The following TMEM64 variants were observed in gnomAD, a reference collection of about 807,000 sequenced individuals.
TMEM64 encodes the protein transmembrane protein 64.
A neutral mutation model predicts 24.5 loss-of-function variants in TMEM64; 19 were observed. The observed-to-expected ratio is 0.78, with a 90% CI of 0.54 to 1.14. TMEM64 has a LOEUF of 1.14. TMEM64 is among the 50% of genes most tolerant of loss of function. TMEM64 has a pLI of 0.00. For missense variants in TMEM64, 487 were observed against 493.0 expected (o/e 0.99, Z 0.12); for synonymous variants, 262 against 224.7 (o/e 1.17, Z -1.49).
At chr8:90,639,113 GAAA>G (rs111564369) in intron 1 of TMEM64, among the ~76,000 whole-genome samples, 4 of 135,218 alleles carry the variant, frequency 3.0e-5, no homozygotes, top group African/African-American at 2.7e-5. Flanking sequence ...GCTACTGGAG[GAAA>G]AAAAAAAAAA....
At chr8:90,631,456 C>T (rs1809437238) in intron 2 of TMEM64, 96 bp downstream of exon 2, 1 of 1,084,634 alleles carries the variant, frequency 9.2e-7, no homozygotes, top group Non-Finnish European at 1.3e-6. Context: ...AATGGAAAAA[C>T]CCTCTGATTA....
chr8:90,627,401 G>A lies in TMEM64; in HGVS notation c.952-1539C>T, dbSNP rs1431242326. On this transcript the variant is annotated intron_variant, in intron 2 of 2. Coordinates refer to ENST00000458549, the MANE Select transcript of TMEM64 (RefSeq NM_001008495.4). Reference sequence around the variant, plus strand: ...TTAAAAGAAACAAGATATATTTACCGAAAACTCCTAAGTTTGCTATGTATC... The same window carrying A: ...TTAAAAGAAACAAGATATATTTACCAAAAACTCCTAAGTTTGCTATGTATC... 3.2e-5 allele frequency among the ~76,000 whole-genome samples: 4 copies of A among 126,282 alleles called. No individual in the cohort carries two copies. In the South Asian group the frequency reaches 7.5e-4, roughly 24 times the overall value. 82.8% of individuals were successfully genotyped at this position (126,282 alleles called of 152,430 possible).
In TMEM64 at chr8:90,622,484, G is replaced by C. The variant is rs1032712909; in HGVS notation, c.*3187C>G. On this transcript the variant is annotated 3_prime_UTR_variant, in exon 3 of 3. Transcript: ENST00000458549. The stretch of plus-strand genomic sequence containing the variant: ...TAAAACTCTCCTTTTCTCTGCAAAT[G>C]CTGCTTGGCTGTGAACAGCATGGAT... The C allele has an allele frequency of 6.6e-6, 1 of 152,154 alleles. No homozygotes were observed. Among genetic ancestry groups the C allele is most frequent in the Non-Finnish European group, 1.5e-5 (1 of 68,044 alleles). The allele number at this position is 152,154 out of a possible 1,614,324, so 9.4% of individuals were successfully genotyped here.
intron 1 of TMEM64, among the ~76,000 whole-genome samples, chr8:90,644,197 A>T (rs1809651474): frequency 1.3e-5 from 2 of 152,292 alleles, no homozygotes; most frequent in Admixed American, 1.3e-4. Flanking sequence ...GAATCACTGA[A>T]TTTGGGGAAC....
rs1157895821 is a variant in TMEM64 at position 90,645,536 on chromosome 8, C to A, written c.370G>T (p.Val124Leu). Residue 124 changes from valine to leucine, a missense_variant, in exon 1 of 3, where the codon GTG becomes TTG. Coordinates refer to ENST00000458549, the MANE Select transcript of TMEM64 (RefSeq NM_001008495.4). The surrounding 1 kb of genome is among the most constrained non-coding windows in gnomAD (Gnocchi z 4.2). ...AGGGCGGCCAACACGCAGACCAGCA[C>A]GAGGCTCCGGCACCAACAGGTGCTG... ...LGSTCWCRSL[V>L]LVCVLAALCF... is the part of the protein sequence containing the mutation. 6.5e-7 allele frequency: 1 copy of A among 1,548,784 alleles called. No individual in the cohort carries two copies. The highest frequency in any genetic ancestry group is 1.4e-5 in the African/African-American group (1 of 73,156).
intron 2 of TMEM64, among the ~76,000 whole-genome samples, chr8:90,630,251 T>C (rs1357434962): frequency 1.3e-5 from 2 of 152,218 alleles, no homozygotes; most frequent in African/African-American, 4.8e-5. Context: ...ATTTCTATAT[T>C]ACTTATAATA....
rs761222767 is a variant in TMEM64 at position 90,624,408 on chromosome 8, CATT to C, written c.*1260_*1262del. 13 of 151,984 alleles carry C rather than the reference CATT, an allele frequency of 8.6e-5. No individual in the cohort carries two copies. The highest frequency in any genetic ancestry group is 1.7e-4 in the African/African-American group (7 of 41,374). 9.4% of individuals were successfully genotyped at this position (151,984 alleles called of 1,614,324 possible). On this transcript the variant is annotated 3_prime_UTR_variant, in exon 3 of 3. Coordinates refer to ENST00000458549, the MANE Select transcript of TMEM64 (RefSeq NM_001008495.4). Reference sequence around the variant, plus strand: ...TATAACCTCATTTGTAAAAAAAAATCATTAAGTTTATAAACTATTTTAAAAATA... The same window carrying C: ...TATAACCTCATTTGTAAAAAAAAATCAAGTTTATAAACTATTTTAAAAATA...
chr8:90,627,816 CAG>C, intron 2 of TMEM64, among the ~76,000 whole-genome samples: 1 of 152,214 alleles, frequency 6.6e-6, no homozygotes, highest in Admixed American at 6.5e-5. Flanking sequence ...AAAGTTAAGA[CAG>C]TGGTATCAAA....
intron 1 of TMEM64, among the ~76,000 whole-genome samples, chr8:90,643,480 C>G (rs755415742): frequency 6.6e-6 from 1 of 152,190 alleles, no homozygotes; most frequent in African/African-American, 2.4e-5. Flanking sequence ...CAGCCCTGTG[C>G]TCCCAACTAG....
rs1157544962 is a variant in TMEM64, at chr8:90,631,613, C to T, written c.890G>A (p.Arg297Gln). 9 of 1,613,404 alleles carry T rather than the reference C, an allele frequency of 5.6e-6. No individual in the cohort carries two copies. Among genetic ancestry groups the T allele is most frequent in the African/African-American group, 2.7e-5 (2 of 74,904 alleles). Reference sequence around the variant, plus strand: ...TTCTGCAATGACATCTTCCATTGTCCGCAGGGTGGTACCCAAGTAAGAATT... The same window carrying T: ...TTCTGCAATGACATCTTCCATTGTCTGCAGGGTGGTACCCAAGTAAGAATT... ...LLNSYLGTTL[R>Q]TMEDVIAEQS... The change falls in exon 2 of 3, where the codon CGG (arginine) becomes CAG (glutamine). Residue 297 changes from arginine (R) to glutamine (Q), a missense_variant. By Grantham distance (43) the Arg-to-Gln change is conservative. Transcript: ENST00000458549.
intron 1 of TMEM64, among the ~76,000 whole-genome samples, chr8:90,637,156 G>T (rs920386402): frequency 6.6e-6 from 1 of 152,142 alleles, no homozygotes; most frequent in African/African-American, 2.4e-5. Flanking sequence ...ATTCTGAAGA[G>T]CAAGAGCTGA....
Position 90,622,305 on chromosome 8 carries a change from C to T in TMEM64, c.*3366G>A, listed in dbSNP as rs1809293779. 1 of 152,148 alleles carries T rather than the reference C, an allele frequency of 6.6e-6. No individual in the cohort carries two copies. The highest frequency in any genetic ancestry group is 2.4e-5 in the African/African-American group (1 of 41,432). The allele number at this position is 152,148 out of a possible 1,614,324, so 9.4% of individuals were successfully genotyped here. ...GCAATGACTTTAAAAAGATTACATC[C>T]TAAATACTTGATTACAACAGAAATC... On this transcript the variant is annotated 3_prime_UTR_variant, in exon 3 of 3. Transcript: ENST00000458549.
chr8:90,635,334 A>G (rs80184185), intron 1 of TMEM64, among the ~76,000 whole-genome samples: 2,917 of 152,280 alleles, frequency 0.019, 76 homozygotes, highest in African/African-American at 0.067. Context: ...TGTTTCAAGA[A>G]GAGAATGAAC....
At chr8:90,631,746 T>C in intron 1 of TMEM64, 39 bp from the exon 2 acceptor site, 1 of 1,550,042 alleles carries the variant, frequency 6.5e-7, no homozygotes, top group Non-Finnish European at 8.8e-7. Context: ...CATTACCAAG[T>C]AAAATTTCAA....
At position 90,624,758 on chromosome 8, in the gene TMEM64, G is replaced by A. The variant is rs1387374903; in HGVS notation, c.*913C>T. The A allele has an allele frequency of 6.6e-6, 1 of 152,452 alleles. No homozygotes were observed. The highest frequency in any genetic ancestry group is 2.4e-5 in the African/African-American group (1 of 41,428). The allele number at this position is 152,452 out of a possible 1,614,324, so 9.4% of individuals were successfully genotyped here. A position where few individuals can be genotyped will look rare whatever the true frequency, so the allele number is the denominator to read the frequency against. On this transcript the variant is annotated 3_prime_UTR_variant, in exon 3 of 3. Coordinates refer to ENST00000458549, the MANE Select transcript of TMEM64 (RefSeq NM_001008495.4). ...TAAAAAAGGCGTTTTGATCAAACAA[G>A]GCCACCTGAGTGACATCTTCAATGA...
chr8:90,636,855 G>A (rs975465601), intron 1 of TMEM64, among the ~76,000 whole-genome samples: 2 of 152,150 alleles, frequency 1.3e-5, no homozygotes, highest in East Asian at 1.9e-4. Flanking sequence ...CTAGGATATC[G>A]ATGCTATCTT....
At chr8:90,631,812 G>C in intron 1 of TMEM64, 105 bp from the exon 2 acceptor site, 1 of 893,050 alleles carries the variant, frequency 1.1e-6, no homozygotes, top group Admixed American at 2.4e-5. Flanking sequence ...CCTCGGGAAG[G>C]AGCTGACATC....
At chr8:90,642,483 C>G (rs571394379) in intron 1 of TMEM64, among the ~76,000 whole-genome samples, 3 of 151,790 alleles carry the variant, frequency 2.0e-5, no homozygotes, top group Non-Finnish European at 2.9e-5. Flanking sequence ...AGAAATATGC[C>G]TAGAAAAGGG....
At chr8:90,629,099 CTT>C (rs60644348) in intron 2 of TMEM64, among the ~76,000 whole-genome samples, 10,335 of 152,192 alleles carry the variant, frequency 0.068, 1,122 homozygotes, top group African/African-American at 0.23. Flanking sequence ...CCTAAGCTCT[CTT>C]TTTTTCCTTT....
Sources: allele counts gnomAD v4.1 joint callset (sites outside exome capture counted in the v4.1 genomes callset), GRCh38; gene constraint gnomAD v4.1.1; non-coding constraint Gnocchi (gnomAD v3.1); transcripts MANE v1.5; gene names NCBI Gene and HGNC (gene_info 2026-07-23, HGNC 2026-07-21).